Variants in MYO18B observed in about 807,000 individuals in gnomAD.
MYO18B encodes unconventional myosin-XVIIIb.
A neutral mutation model predicts 273.0 loss-of-function variants in MYO18B; 204 were observed. The observed-to-expected ratio is 0.75, with a 90% confidence interval of 0.67 to 0.84. The LOEUF (loss-of-function observed/expected upper bound fraction) is 0.84. MYO18B is among the 40% of genes least tolerant of loss of function. The pLI, the probability that MYO18B is intolerant of heterozygous loss-of-function variation, is 0.00. For synonymous variants in MYO18B, 1,330 were observed against 1,305.7 expected (o/e 1.02, Z -0.40); for missense variants, 3,212 against 3,287.6 (o/e 0.98, Z 0.56).
At chr22:25,830,420 C>T (rs562732549) in intron 15 of MYO18B, among the ~76,000 whole-genome samples, 1 of 152,204 alleles carries the variant, frequency 6.6e-6, no homozygotes, top group Non-Finnish European at 1.5e-5. Context: ...ATGGCCTGGG[C>T]AGCTCTCTTG....
Position 25,769,076 on chromosome 22 carries a change from A to G in MYO18B, c.1160A>G (p.Glu387Gly), listed in dbSNP as rs1338926031. Residue 387 changes from glutamate (E) to glycine (G), a missense_variant, in exon 4 of 44, where the codon GAG (glutamate) becomes GGG (glycine). Coordinates refer to ENST00000335473, the MANE Select transcript of MYO18B (RefSeq NM_032608.7). ...ELRSTTGKAG[E>G]SWDKKEKMGQ... Reference sequence around the variant, plus strand: ...CGGAGCACGACTGGGAAGGCAGGTGAGTCCTGGGATAAGAAGGAAAAGATG... The same window carrying G: ...CGGAGCACGACTGGGAAGGCAGGTGGGTCCTGGGATAAGAAGGAAAAGATG... The G allele has an allele frequency of 9.3e-6, 15 of 1,613,126 alleles. No individual in the cohort carries two copies. The highest frequency in any genetic ancestry group is 1.3e-5 in the Non-Finnish European group (15 of 1,179,494).
At chr22:25,990,181 C>A (rs554153921) in intron 39 of MYO18B, among the ~76,000 whole-genome samples, 3 of 152,238 alleles carry the variant, frequency 2.0e-5, no homozygotes, top group African/African-American at 4.8e-5. Flanking sequence ...CACAGACTTA[C>A]AATAATGTGA....
chr22:25,820,074 T>TACC, intron 12 of MYO18B, among the ~76,000 whole-genome samples: 1 of 332 alleles, frequency 3.0e-3, no homozygotes, highest in Non-Finnish European at 7.8e-3. Flanking sequence ...TCATCATCAC[T>TACC]ATCATCATCA....
chr22:25,795,520 A>T (rs906064554), intron 11 of MYO18B, among the ~76,000 whole-genome samples: 1 of 152,228 alleles, frequency 6.6e-6, no homozygotes, highest in African/African-American at 2.4e-5. Context: ...AAATGCTCAT[A>T]GGCCACAGTG....
intron 34 of MYO18B, among the ~76,000 whole-genome samples, chr22:25,935,518 G>T (rs1270960237): frequency 1.3e-5 from 2 of 152,136 alleles, no homozygotes; most frequent in Non-Finnish European, 2.9e-5. Context: ...ATTGGGTGAG[G>T]GGGAGGTGAG....
At chr22:26,008,471 T>A (rs1934616786) in intron 42 of MYO18B, among the ~76,000 whole-genome samples, 1 of 152,120 alleles carries the variant, frequency 6.6e-6, no homozygotes. Context: ...AGAAGGTCAC[T>A]CTAAAAACAG....
intron 3 of MYO18B, among the ~76,000 whole-genome samples, chr22:25,763,657 A>G (rs530833566): frequency 6.6e-6 from 1 of 152,348 alleles, no homozygotes; most frequent in Admixed American, 6.5e-5. Context: ...GTTGGTTGGC[A>G]TAGTACTTAT....
At chr22:25,784,264 A>C (rs559422041) in intron 10 of MYO18B, among the ~76,000 whole-genome samples, 6 of 152,346 alleles carry the variant, frequency 3.9e-5, no homozygotes, top group African/African-American at 1.4e-4. Flanking sequence ...GGCACCAGGT[A>C]GATGCTTCTT....
chr22:25,835,671 C>CGTGG (rs1368774669), intron 17 of MYO18B, among the ~76,000 whole-genome samples: 4 of 152,222 alleles, frequency 2.6e-5, no homozygotes, highest in Admixed American at 2.0e-4. Context: ...ACCAGCCTGG[C>CGTGG]GTGGGCCAGT....
At chr22:25,853,473 G>C (rs939165016) in intron 21 of MYO18B, among the ~76,000 whole-genome samples, 2 of 152,174 alleles carry the variant, frequency 1.3e-5, no homozygotes, top group Non-Finnish European at 2.9e-5. Context: ...CTGGGTAGTG[G>C]CCCATTTTGG....
At position 25,875,510 on chromosome 22, in the gene MYO18B, C is replaced by G. The variant is rs1044321166; in HGVS notation, c.4081-679C>G. 2.0e-5 allele frequency among the ~76,000 whole-genome samples: 3 copies of G among 150,594 alleles called. No individual in the cohort carries two copies. The East Asian group carries it at 5.8e-4, about 29-fold the overall frequency. ...GCCAGTCAGTGCTGTTCTGGTCCCC[C>G]CCCCAGTGATAAGAATGAAGCGGGT... On this transcript the variant is annotated intron_variant, in intron 23 of 43. Coordinates refer to ENST00000335473, the MANE Select transcript of MYO18B (RefSeq NM_032608.7).
intron 25 of MYO18B, among the ~76,000 whole-genome samples, chr22:25,889,295 G>A (rs996306090): frequency 2.0e-5 from 3 of 152,148 alleles, no homozygotes; most frequent in African/African-American, 2.4e-5. Flanking sequence ...GGGCAGCTAC[G>A]TTGCTCATTG....
At chr22:25,877,904 G>T in intron 24 of MYO18B, 55 bp from the exon 25 acceptor site, 1 of 1,462,272 alleles carries the variant, frequency 6.8e-7, no homozygotes, top group East Asian at 2.5e-5. Flanking sequence ...CCTAACACAG[G>T]TGGAACTTAA....
At position 26,026,602 on chromosome 22, in the gene MYO18B, G is replaced by A. The variant is rs1936258560; in HGVS notation, c.6628G>A (p.Val2210Met). The A allele has an allele frequency of 6.2e-7, 1 of 1,613,744 alleles. No homozygotes were observed. Among genetic ancestry groups the A allele is most frequent in the Non-Finnish European group, 8.5e-7 (1 of 1,179,878 alleles). Residue 2210 changes from valine to methionine, a missense_variant, in exon 43 of 44, where the codon GTG becomes ATG. Transcript: ENST00000335473. ...QKYCHFGDGE[V>M]LAVQRKSTER... Reference sequence around the variant, plus strand: ...GTACTGTCATTTTGGGGACGGCGAAGTGCTTGCCGTCCAGAGAAAGTCCAC... The same window carrying A: ...GTACTGTCATTTTGGGGACGGCGAAATGCTTGCCGTCCAGAGAAAGTCCAC...
chr22:25,816,522 T>A (rs540210505), intron 12 of MYO18B, among the ~76,000 whole-genome samples: 47 of 123,052 alleles, frequency 3.8e-4, no homozygotes, highest in Admixed American at 2.1e-3. Flanking sequence ...GGCCCCAATG[T>A]GTTGTGTTCC....
intron 23 of MYO18B, 92 bp downstream of exon 23, chr22:25,874,506 G>A (rs2146187562): frequency 4.7e-6 from 7 of 1,484,618 alleles, no homozygotes; most frequent in African/African-American, 2.8e-5. Context: ...CCGGTGCACC[G>A]GGTCCAAGGA....
chr22:25,798,228 G>T, intron 12 of MYO18B, 131 bp downstream of exon 12: 1 of 1,221,454 alleles, frequency 8.2e-7, no homozygotes, highest in Non-Finnish European at 1.1e-6. Context: ...GACTTCCCTT[G>T]GGGAGGCTGC....
At position 25,767,233 on chromosome 22, in the gene MYO18B, A is replaced by G. The variant is rs367568940; in HGVS notation, c.199-882A>G. Among the ~76,000 whole-genome samples, 95 of 152,332 alleles carry G rather than the reference A, an allele frequency of 6.2e-4. 2 individuals are homozygous for G. In the South Asian group the frequency reaches 0.016, roughly 25 times the overall value. ...TGGTTTGAGGATGAAGCTCTGCACA[A>G]GGCTAAAATCACAAGGCAGTAACAA... On this transcript the variant is annotated intron_variant, in intron 3 of 43. Transcript: ENST00000335473.
chr22:25,802,795 A>G (rs2088274383), intron 12 of MYO18B, among the ~76,000 whole-genome samples: 1 of 149,874 alleles, frequency 6.7e-6, no homozygotes, highest in Non-Finnish European at 1.5e-5. Context: ...GCCTTTAGCT[A>G]TTGCCCTCTA....
Sources: allele counts gnomAD v4.1 joint callset (sites outside exome capture counted in the v4.1 genomes callset), GRCh38; gene constraint gnomAD v4.1.1; transcripts MANE v1.5; gene names NCBI Gene and HGNC (gene_info 2026-07-23, HGNC 2026-07-21).